The following KHDRBS2 variants were observed in gnomAD, a reference collection of about 807,000 sequenced individuals.
The protein encoded by KHDRBS2 is KH RNA binding domain containing, signal transduction associated 2.
KHDRBS2 carries 26 observed loss-of-function variants against 44.3 expected under a neutral mutation model. The ratio of observed to expected loss-of-function variants is 0.59; its 90% CI spans 0.43 to 0.81. The LOEUF (loss-of-function observed/expected upper bound fraction) is 0.81, where lower values mean the gene tolerates loss of function less well. Ranked by LOEUF, KHDRBS2 falls within the 40% of genes least tolerant of loss-of-function variation. The pLI, the probability that KHDRBS2 is intolerant of heterozygous loss-of-function variation, is 0.00. For synonymous variants in KHDRBS2, 194 were observed against 151.1 expected, an observed-to-expected ratio of 1.28 and a Z score of -2.08; for missense variants, 476 against 433.1, an observed-to-expected ratio of 1.10 and a Z score of -0.88.
chr6:61,643,844 T>C, the KHDRBS2 span, among the ~76,000 whole-genome samples: 1 of 152,268 alleles, frequency 6.6e-6, no homozygotes, highest in South Asian at 2.1e-4. Flanking sequence ...TGCTCATGGA[T>C]AGGAAGAATC....
chr6:61,615,219 C>CCAAA, the KHDRBS2 span, among the ~76,000 whole-genome samples: 1,836 of 100,594 alleles, frequency 0.018, 41 homozygotes, highest in Non-Finnish European at 0.027. Flanking sequence ...GGTGACAGAG[C>CCAAA]AAGACTCCAT....
the KHDRBS2 span, among the ~76,000 whole-genome samples, chr6:61,620,039 A>T: frequency 6.6e-6 from 1 of 152,126 alleles, no homozygotes. Context: ...TCACTTAGAA[A>T]AATGCTTACC....
At chr6:61,922,982 T>C (rs1311957563) in intron 4 of KHDRBS2, among the ~76,000 whole-genome samples, 1 of 152,100 alleles carries the variant, frequency 6.6e-6, no homozygotes, top group Admixed American at 6.6e-5. Flanking sequence ...TGACCCAGAA[T>C]TGATACAAAT....
At chr6:61,967,903 C>CAT (rs34777524) in intron 4 of KHDRBS2, among the ~76,000 whole-genome samples, 18 of 142,976 alleles carry the variant, frequency 1.3e-4, no homozygotes, top group South Asian at 6.7e-4. Context: ...CACACACACA[C>CAT]ATATATATAT....
rs1767697775 is a variant in KHDRBS2, at chr6:61,694,519, T to C, written c.952+2676A>G. 2.0e-5 allele frequency among the ~76,000 whole-genome samples: 3 copies of C among 152,174 alleles called. No individual in the cohort carries two copies. The South Asian group carries it at 6.2e-4, about 31-fold the overall frequency. ...TTCATTGATCATCCTGTGTAACCAA[T>C]TGTACAAGGCTTGCGGCCTCATTCC... is the stretch of plus-strand genomic sequence containing the variant. On this transcript the variant is annotated intron_variant, in intron 8 of 8. Transcript: ENST00000281156.
In KHDRBS2 at chr6:62,263,714, C is replaced by T. The variant is rs574426949; in HGVS notation, c.91+22144G>A. Among the ~76,000 whole-genome samples, 3 of 151,832 alleles carry T rather than the reference C, an allele frequency of 2.0e-5. No individual in the cohort carries two copies. The South Asian group carries it at 6.2e-4, about 31-fold the overall frequency. On this transcript the variant is annotated intron_variant, in intron 1 of 8. Coordinates refer to ENST00000281156, the MANE Select transcript of KHDRBS2 (RefSeq NM_152688.4). ...TACTTTAAATACTAATGTCTATTTA[C>T]TAAATTCTCTTAATTACTACTTCAT...
At chr6:62,044,058 T>C (rs1787135705) in intron 3 of KHDRBS2, among the ~76,000 whole-genome samples, 2 of 152,106 alleles carry the variant, frequency 1.3e-5, no homozygotes, top group Non-Finnish European at 2.9e-5. Flanking sequence ...ATAGTAGATA[T>C]GGAATAAATA....
At chr6:62,095,633 T>C (rs1226504223) in intron 2 of KHDRBS2, among the ~76,000 whole-genome samples, 1 of 151,938 alleles carries the variant, frequency 6.6e-6, no homozygotes. Flanking sequence ...TTAAGGGACA[T>C]ATAACTGTAT....
chr6:61,988,320 C>T (rs1016714890), intron 3 of KHDRBS2, among the ~76,000 whole-genome samples: 9 of 152,176 alleles, frequency 5.9e-5, no homozygotes, highest in Admixed American at 2.0e-4. Context: ...TCTGAATTAA[C>T]ATATGAGAGA....
chr6:61,548,078 A>G, the KHDRBS2 span, among the ~76,000 whole-genome samples: 1 of 152,188 alleles, frequency 6.6e-6, no homozygotes, highest in Non-Finnish European at 1.5e-5. Flanking sequence ...TCAAGGAGAC[A>G]AAAATCTAAT....
In KHDRBS2 at chr6:61,781,013, T is replaced by C. The variant is rs185234420; in HGVS notation, c.811-48249A>G. Among the ~76,000 whole-genome samples, 342 of 152,326 alleles carry C rather than the reference T, an allele frequency of 2.2e-3. 2 individuals carry two copies. Among genetic ancestry groups the C allele is most frequent in the African/African-American group, 8.0e-3 (333 of 41,562 alleles). On this transcript the variant is annotated intron_variant, in intron 6 of 8. Transcript: ENST00000281156. The stretch of plus-strand genomic sequence containing the variant: ...TGGCCTTATGCTTTGAGATGTCTGA[T>C]AAAGTTCTTAAAGTGACAATTATGT...
the KHDRBS2 span, among the ~76,000 whole-genome samples, chr6:61,652,878 C>G: frequency 8.6e-5 from 13 of 152,030 alleles, no homozygotes; most frequent in Admixed American, 6.6e-5. Flanking sequence ...GTTTACAAGC[C>G]TCTGTTGTGA....
the KHDRBS2 span, among the ~76,000 whole-genome samples, chr6:61,572,075 A>T: frequency 3.3e-5 from 5 of 152,126 alleles, no homozygotes; most frequent in Non-Finnish European, 7.4e-5. Context: ...CATCAGAAAT[A>T]TTAACCAAAC....
At chr6:61,656,745 C>T in the KHDRBS2 span, among the ~76,000 whole-genome samples, 4 of 151,880 alleles carry the variant, frequency 2.6e-5, no homozygotes, top group Admixed American at 6.6e-5. Flanking sequence ...TTGTATGCGC[C>T]GGTGCCAGCA....
chr6:61,608,384 C>A, the KHDRBS2 span, among the ~76,000 whole-genome samples: 1 of 151,568 alleles, frequency 6.6e-6, no homozygotes, highest in Non-Finnish European at 1.5e-5. Context: ...AGAAGCAATT[C>A]TATGGATATG....
intron 3 of KHDRBS2, among the ~76,000 whole-genome samples, chr6:61,997,788 T>C (rs1777479844): frequency 6.6e-6 from 1 of 152,308 alleles, no homozygotes; most frequent in East Asian, 1.9e-4. Flanking sequence ...GCTTACATGT[T>C]ATTTTCCTAA....
At chr6:61,802,748 G>C (rs534723186) in intron 6 of KHDRBS2, among the ~76,000 whole-genome samples, 1 of 152,172 alleles carries the variant, frequency 6.6e-6, no homozygotes, top group South Asian at 2.1e-4. Context: ...ATTTCTCTGG[G>C]TACAGTTTGT....
chr6:61,866,914 C>T (rs765198339), intron 6 of KHDRBS2, among the ~76,000 whole-genome samples: 55 of 152,130 alleles, frequency 3.6e-4, no homozygotes, highest in Non-Finnish European at 5.7e-4. Context: ...ACTTTATTGT[C>T]GATATCGCTA....
At chr6:62,057,893 GT>G (rs1413547876) in intron 2 of KHDRBS2, among the ~76,000 whole-genome samples, 1 of 151,768 alleles carries the variant, frequency 6.6e-6, no homozygotes, top group African/African-American at 2.4e-5. Flanking sequence ...AACATAATTG[GT>G]GGCAAAACGA....
Sources: allele counts gnomAD v4.1 joint callset (sites outside exome capture counted in the v4.1 genomes callset), GRCh38; gene constraint gnomAD v4.1.1; transcripts MANE v1.5; gene names NCBI Gene and HGNC (gene_info 2026-07-23, HGNC 2026-07-21).